STK4: variants seen among roughly 807,000 people sequenced by gnomAD.
The protein encoded by STK4 is serine/threonine-protein kinase 4.
Under a neutral mutation model 64.9 loss-of-function variants are expected in STK4, and 30 were observed. That is an observed-to-expected ratio of 0.46 (90% CI 0.35 to 0.63). The LOEUF (loss-of-function observed/expected upper bound fraction) is 0.63. Among genes scored for constraint, STK4 ranks in the 20% least tolerant of loss-of-function variants. The probability of loss-of-function intolerance (pLI) is 0.01; values close to 1 mark genes in which losing one functional copy is unlikely to be tolerated. For missense variants in STK4, 466 were observed against 598.5 expected, an observed-to-expected ratio of 0.78 and a Z score of 2.31; for synonymous variants, 177 against 199.0, an observed-to-expected ratio of 0.89 and a Z score of 0.93.
At chr20:45,024,703 C>G (rs1600494725) in intron 9 of STK4, among the ~76,000 whole-genome samples, 1 of 152,136 alleles carries the variant, frequency 6.6e-6, no homozygotes, top group African/African-American at 2.4e-5. Context: ...ATTGCATCAC[C>G]CAAATCTTTC....
intron 5 of STK4, among the ~76,000 whole-genome samples, chr20:44,991,912 C>T (rs151031059): frequency 1.9e-3 from 292 of 152,216 alleles, no homozygotes; most frequent in African/African-American, 6.6e-3. Flanking sequence ...AATCTGCCCC[C>T]CTTGGCGTGC....
intron 9 of STK4, among the ~76,000 whole-genome samples, chr20:45,005,642 T>C (rs13040420): frequency 0.44 from 60,817 of 137,028 alleles, 13,762 homozygotes; most frequent in Middle Eastern, 0.54. Flanking sequence ...AGCGAGACTC[T>C]GTCTCAAAAA....
intron 6 of STK4, among the ~76,000 whole-genome samples, chr20:44,995,637 G>T (rs2067716391): frequency 6.8e-6 from 1 of 147,016 alleles, no homozygotes; most frequent in African/African-American, 2.5e-5. Flanking sequence ...AAAGTTCAAT[G>T]GCTTACTTGT....
In STK4 at chr20:45,077,347, A is replaced by C. The variant is rs1478428863; in HGVS notation, c.*2171A>C. ...TTAAAAACCAAAGCATCCAGGATGCACACCCCTGCACCATTTGCTGTGCGA... is the reference window on the plus strand; with the variant it reads ...TTAAAAACCAAAGCATCCAGGATGCCCACCCCTGCACCATTTGCTGTGCGA... On this transcript the variant is annotated 3_prime_UTR_variant, in exon 11 of 11. Transcript: ENST00000372806. 6.6e-6 allele frequency: 1 copy of C among 152,222 alleles called. No homozygotes were observed. The highest frequency in any genetic ancestry group is 1.5e-5 in the Non-Finnish European group (1 of 68,038). The allele number at this position is 152,222 out of a possible 1,614,324, so 9.4% of individuals were successfully genotyped here.
intron 10 of STK4, among the ~76,000 whole-genome samples, chr20:45,052,577 T>C (rs1978292759): frequency 6.6e-6 from 1 of 152,216 alleles, no homozygotes; most frequent in Non-Finnish European, 1.5e-5. Flanking sequence ...CGTTCTAATA[T>C]ATTAAGCCAG....
intron 10 of STK4, chr20:45,053,301 A>T (rs933078229): frequency 1.6e-5 from 12 of 767,828 alleles, no homozygotes; most frequent in Non-Finnish European, 1.9e-5. Context: ...AGCAGGACTT[A>T]AATGCCTGCG....
chr20:44,975,006 A>G (rs1488357676), intron 2 of STK4: 1 of 152,210 alleles, frequency 6.6e-6, no homozygotes, highest in Non-Finnish European at 1.5e-5. Context: ...CTTCTACTTA[A>G]AGTTGTACAC....
chr20:45,007,416 G>A lies in STK4; in HGVS notation c.1147+6063G>A, dbSNP rs547569141. 1.5e-4 allele frequency among the ~76,000 whole-genome samples: 23 copies of A among 152,184 alleles called. No individual in the cohort carries two copies. The East Asian group carries it at 4.1e-3, about 27-fold the overall frequency. ...ACAAAAATTAGCTGGGCATGGTGGC[G>A]GGCGCCTGTAGTCCCAGCTACTCGG... On this transcript the variant is annotated intron_variant, in intron 9 of 10. Transcript: ENST00000372806.
At chr20:44,986,699 T>C (rs892029723) in intron 4 of STK4, among the ~76,000 whole-genome samples, 3 of 152,146 alleles carry the variant, frequency 2.0e-5, no homozygotes, top group Admixed American at 2.0e-4. Context: ...TTACAGAGGG[T>C]GTATTTGGAT....
chr20:45,062,839 G>A (rs1042280955), intron 10 of STK4, among the ~76,000 whole-genome samples: 13 of 142,518 alleles, frequency 9.1e-5, no homozygotes, highest in Admixed American at 9.0e-4. Flanking sequence ...CACCACGCCC[G>A]GCTATTTTTT....
At chr20:44,970,915 G>A (rs999072443) in intron 1 of STK4, among the ~76,000 whole-genome samples, 2 of 138,928 alleles carry the variant, frequency 1.4e-5, no homozygotes, top group Non-Finnish European at 3.1e-5. Context: ...GTGTGTGTAT[G>A]TGTGTGTATT....
At chr20:45,015,818 A>T (rs1277710880) in intron 9 of STK4, among the ~76,000 whole-genome samples, 1 of 152,178 alleles carries the variant, frequency 6.6e-6, no homozygotes, top group Non-Finnish European at 1.5e-5. Context: ...AGATGATATG[A>T]GATTGTATGT....
In STK4 at chr20:44,997,682, G is replaced by A. The variant is rs375853716; in HGVS notation, c.831+376G>A. On this transcript the variant is annotated intron_variant, in intron 7 of 10. Transcript: ENST00000372806. ...GCTACATTCCAGCCTGAGCAATAGAGTGAGACGCTATCTCGAAAAACAAAG... is the reference window on the plus strand; with the variant it reads ...GCTACATTCCAGCCTGAGCAATAGAATGAGACGCTATCTCGAAAAACAAAG... Among the ~76,000 whole-genome samples, 8 of 152,336 alleles carry A rather than the reference G, an allele frequency of 5.3e-5. 1 individual carries two copies. The highest frequency in any genetic ancestry group is 1.9e-4 in the East Asian group (1 of 5,186).
At chr20:45,014,419 G>C (rs1008754047) in intron 9 of STK4, among the ~76,000 whole-genome samples, 1 of 151,722 alleles carries the variant, frequency 6.6e-6, no homozygotes, top group African/African-American at 2.4e-5. Flanking sequence ...GAGCAAGACT[G>C]TCTCAAAATA....
At chr20:45,058,253 T>C (rs751988614) in intron 10 of STK4, among the ~76,000 whole-genome samples, 3 of 152,160 alleles carry the variant, frequency 2.0e-5, no homozygotes, top group Non-Finnish European at 4.4e-5. Flanking sequence ...GAGAGGGTAT[T>C]TCTTTTTTGG....
intron 4 of STK4, among the ~76,000 whole-genome samples, chr20:44,986,814 G>A (rs1178176211): frequency 6.6e-6 from 1 of 152,182 alleles, no homozygotes; most frequent in Non-Finnish European, 1.5e-5. Context: ...GGAGGACTGT[G>A]GGAGAAGTGG....
At chr20:45,062,522 G>A (rs1284874716) in intron 10 of STK4, among the ~76,000 whole-genome samples, 1 of 152,226 alleles carries the variant, frequency 6.6e-6, no homozygotes, top group Non-Finnish European at 1.5e-5. Flanking sequence ...TGCAATAGCT[G>A]AACTAATTTA....
chr20:45,068,915 G>A (rs1461607209), intron 10 of STK4, among the ~76,000 whole-genome samples: 1 of 152,248 alleles, frequency 6.6e-6, no homozygotes, highest in African/African-American at 2.4e-5. Flanking sequence ...CCTGCTAACA[G>A]AGTGAGGCTG....
At chr20:45,057,972 A>T (rs1478317557) in intron 10 of STK4, among the ~76,000 whole-genome samples, 1 of 152,140 alleles carries the variant, frequency 6.6e-6, no homozygotes. Flanking sequence ...CAGAATAAGG[A>T]TTAAACAAAC....
Sources: allele counts gnomAD v4.1 joint callset (sites outside exome capture counted in the v4.1 genomes callset), GRCh38; gene constraint gnomAD v4.1.1; transcripts MANE v1.5; gene names NCBI Gene and HGNC (gene_info 2026-07-23, HGNC 2026-07-21).